Variants in ZSWIM9 observed in about 807,000 individuals in gnomAD.
ZSWIM9 encodes zinc finger SWIM-type containing 9.
Under a neutral mutation model 25.0 loss-of-function variants are expected in ZSWIM9, and 11 were observed. The observed-to-expected ratio is 0.44, with a 90% CI of 0.28 to 0.73. The LOEUF is 0.73. ZSWIM9 is among the 30% of genes least tolerant of loss of function. ZSWIM9 has a pLI of 0.16. For synonymous variants in ZSWIM9, 562 were observed against 582.1 expected, an observed-to-expected ratio of 0.97 and a Z score of 0.50; for missense variants, 1,070 against 1,296.5, an observed-to-expected ratio of 0.83 and a Z score of 2.68.
Position 48,197,204 on chromosome 19 carries a change from A to G in ZSWIM9, c.*377A>G, listed in dbSNP as rs1223301626. ...AGTGTCTGGCAAGAGTAGACTGGCC[A>G]GTCTAGGGAGTGCAGCGGGGAGAGG... On this transcript the variant is annotated 3_prime_UTR_variant, in exon 4 of 4. Coordinates refer to ENST00000614654, the MANE Select transcript of ZSWIM9 (RefSeq NM_199341.4). The G allele has an allele frequency of 5.7e-6, 4 of 701,440 alleles. No homozygotes were observed. The highest frequency in any genetic ancestry group is 7.8e-6 in the Non-Finnish European group (3 of 384,320). 43.5% of individuals were successfully genotyped at this position (701,440 alleles called of 1,614,324 possible).
chr19:48,179,704 A>G (rs1163209997), intron 2 of ZSWIM9, among the ~76,000 whole-genome samples: 5 of 152,230 alleles, frequency 3.3e-5, no homozygotes, highest in African/African-American at 1.2e-4. Flanking sequence ...AACATTCGGC[A>G]GCAGTAAAAG....
Position 48,196,270 on chromosome 19 carries a change from G to GC in ZSWIM9, c.2209dup (p.Arg737ProfsTer51). The GC allele has an allele frequency of 8.1e-7, 1 of 1,233,502 alleles. No homozygotes were observed. Among genetic ancestry groups the GC allele is most frequent in the Non-Finnish European group, 1.0e-6 (1 of 989,016 alleles). 76.4% of individuals were successfully genotyped at this position (1,233,502 alleles called of 1,614,324 possible). A position where few individuals can be genotyped will look rare whatever the true frequency, so the allele number is the denominator to read the frequency against. ...CATGGAGAATGGAGATGGAGGGGGA[G>GC]CCCGGTCCGTGGGCCCCAAGAGCCG... On this transcript the variant is annotated frameshift_variant, in exon 4 of 4. Transcript: ENST00000614654. LOFTEE classifies it low-confidence loss of function (END_TRUNC).
intron 2 of ZSWIM9, among the ~76,000 whole-genome samples, chr19:48,176,501 C>G (rs1332072831): frequency 1.3e-5 from 2 of 152,128 alleles, no homozygotes; most frequent in Admixed American, 6.6e-5. Context: ...GACCCTCATT[C>G]TGGTTACTAA....
chr19:48,192,490 TATATATATACACACAC>T (rs2037107891), intron 3 of ZSWIM9, among the ~76,000 whole-genome samples: 1 of 40,892 alleles, frequency 2.4e-5, no homozygotes, highest in Middle Eastern at 8.2e-3. Context: ...AATATATATA[TATATATATACACACAC>T]ACACACACAC....
Position 48,196,756 on chromosome 19 carries a change from C to T in ZSWIM9, c.2692C>T (p.Leu898Phe). Reference sequence around the variant, plus strand: ...CTGCAGACACCTCTTTGCAGCGCGCCTCCTCACTGGGGCTGCCTTATTCCA... The same window carrying T: ...CTGCAGACACCTCTTTGCAGCGCGCTTCCTCACTGGGGCTGCCTTATTCCA... Reference protein sequence around the residue: ...LPCRHLFAARLLTGAALFHMD... With the variant: ...LPCRHLFAARFLTGAALFHMD... The change falls in exon 4 of 4, where the codon CTC (leucine) becomes TTC (phenylalanine). Residue 898 changes from leucine (L) to phenylalanine (F), a missense_variant. By Grantham distance (22) the Leu-to-Phe change is conservative. This residue lies in a region of ZSWIM9 where 583 missense variants were observed against 624.7 expected (regional missense o/e 0.93). Transcript: ENST00000614654. 1 of 1,233,622 alleles carries T rather than the reference C, an allele frequency of 8.1e-7. No individual in the cohort carries two copies. The allele number at this position is 1,233,622 out of a possible 1,614,324, so 76.4% of individuals were successfully genotyped here.
chr19:48,170,982 G>T (rs932362031), intron 1 of ZSWIM9, among the ~76,000 whole-genome samples: 23 of 152,158 alleles, frequency 1.5e-4, no homozygotes, highest in African/African-American at 5.3e-4. Flanking sequence ...GGGAGGAGGG[G>T]CCCACAGCTG....
Position 48,197,028 on chromosome 19 carries a change from A to G in ZSWIM9, c.*201A>G, listed in dbSNP as rs897755199. 1.8e-6 allele frequency: 1 copy of G among 554,316 alleles called. No homozygotes were observed. Among genetic ancestry groups the G allele is most frequent in the Non-Finnish European group, 3.1e-6 (1 of 323,056 alleles). 34.3% of individuals were successfully genotyped at this position (554,316 alleles called of 1,614,324 possible). ...GTGGTCTCTGAGGTCCTGGAGCCAC[A>G]GCTTGGGAAGGTGTTGATGGGCAGG... On this transcript the variant is annotated 3_prime_UTR_variant, in exon 4 of 4. Coordinates refer to ENST00000614654, the MANE Select transcript of ZSWIM9 (RefSeq NM_199341.4).
chr19:48,187,551 TA>T (rs1293081671), intron 3 of ZSWIM9: 4 of 30,060 alleles, frequency 1.3e-4, no homozygotes, highest in Non-Finnish European at 2.9e-4. Context: ...TATTATATTA[TA>T]TATATTATAT....
intron 3 of ZSWIM9, chr19:48,187,534 A>G (rs1446416054): frequency 2.9e-5 from 1 of 34,894 alleles, no homozygotes; most frequent in African/African-American, 7.9e-5. Context: ...ATATTATATT[A>G]TTATTATATT....
In ZSWIM9 at chr19:48,195,857, C is replaced by T. The variant is rs2037157209; in HGVS notation, c.1793C>T (p.Ala598Val). 1 of 1,423,360 alleles carries T rather than the reference C, an allele frequency of 7.0e-7. No homozygotes were observed. The highest frequency in any genetic ancestry group is 9.1e-7 in the Non-Finnish European group (1 of 1,093,882). 88.2% of individuals were successfully genotyped at this position (1,423,360 alleles called of 1,614,324 possible). The stretch of plus-strand genomic sequence containing the variant: ...TTGGAAGGGTATACCTGGAGGGTGG[C>T]CCAGCTGGAAGATCGCAGGAGTACC... Reference protein sequence around the residue: ...RGLEGYTWRVAQLEDRRSTTD... With the variant: ...RGLEGYTWRVVQLEDRRSTTD... The change falls in exon 4 of 4, where the codon GCC becomes GTC. Residue 598 changes from alanine to valine, a missense_variant. This residue lies in a region of ZSWIM9 where 583 missense variants were observed against 624.7 expected (regional missense o/e 0.93). Transcript: ENST00000614654. The surrounding 1 kb of genome is among the most constrained non-coding windows in gnomAD (Gnocchi z 5.8).
intron 3 of ZSWIM9, among the ~76,000 whole-genome samples, chr19:48,188,471 C>A (rs1214418619): frequency 6.6e-6 from 1 of 151,934 alleles, no homozygotes; most frequent in African/African-American, 2.4e-5. Context: ...TGGTGATCTG[C>A]CTGCCTCGGC....
intron 1 of ZSWIM9, chr19:48,171,430 G>C: frequency 1.0e-6 from 1 of 977,162 alleles, no homozygotes; most frequent in African/African-American, 1.7e-5. Context: ...GGAGGTTTTA[G>C]CTGGAATTTG....
chr19:48,195,038 T>C lies in ZSWIM9; in HGVS notation c.974T>C (p.Leu325Pro). 1 of 1,380,390 alleles carries C rather than the reference T, an allele frequency of 7.2e-7. No individual in the cohort carries two copies. Among genetic ancestry groups the C allele is most frequent in the Non-Finnish European group, 9.3e-7 (1 of 1,074,872 alleles). The allele number at this position is 1,380,390 out of a possible 1,614,324, so 85.5% of individuals were successfully genotyped here. Reference protein sequence around the residue: ...QICRAQGLETLFSKAQELGGA... With the variant: ...QICRAQGLETPFSKAQELGGA... ...TGCCGCGCGCAGGGCCTGGAGACGC[T>C]CTTCAGCAAGGCGCAGGAGCTGGGC... Residue 325 changes from leucine (L) to proline (P), a missense_variant, in exon 4 of 4, where the codon CTC becomes CCC. Around this residue, in one of 4 missense-constraint regions of ZSWIM9, gnomAD observed 184 missense variants for 243.1 expected, o/e 0.76. Coordinates refer to ENST00000614654, the MANE Select transcript of ZSWIM9 (RefSeq NM_199341.4). The surrounding 1 kb of genome is among the most constrained non-coding windows in gnomAD (Gnocchi z 5.8).
intron 3 of ZSWIM9, among the ~76,000 whole-genome samples, chr19:48,184,518 G>A (rs1368655405): frequency 1.3e-5 from 2 of 151,932 alleles, no homozygotes; most frequent in East Asian, 1.9e-4. Flanking sequence ...GGGTAAAGTC[G>A]AGATTCAGCT....
chr19:48,188,681 G>A (rs576672288), intron 3 of ZSWIM9, among the ~76,000 whole-genome samples: 3 of 152,286 alleles, frequency 2.0e-5, no homozygotes, highest in South Asian at 2.1e-4. Context: ...GTTCTCTTAC[G>A]TGTATGCTTT....
chr19:48,174,241 C>T (rs1290187392), intron 2 of ZSWIM9, among the ~76,000 whole-genome samples: 1 of 152,018 alleles, frequency 6.6e-6, no homozygotes, highest in Non-Finnish European at 1.5e-5. Flanking sequence ...TGCTCCACGA[C>T]TTCCTGGATG....
At position 48,195,153 on chromosome 19, in the gene ZSWIM9, C is replaced by T; in HGVS notation, c.1089C>T (p.Ala363=). The T allele has an allele frequency of 4.0e-6, 6 of 1,513,774 alleles. No homozygotes were observed. The highest frequency in any genetic ancestry group is 1.4e-5 in the African/African-American group (1 of 70,506). The allele number at this position is 1,513,774 out of a possible 1,614,324, so 93.8% of individuals were successfully genotyped here. ...CCGCAGCCTACGACGAGGCGCTGGCCGAGCTCCACGCCCACGGCCCAGCCG... is the reference window on the plus strand; with the variant it reads ...CCGCAGCCTACGACGAGGCGCTGGCTGAGCTCCACGCCCACGGCCCAGCCG... ...SSPAAYDEAL[A]ELHAHGPAAF... Residue 363 remains alanine, a synonymous_variant, in exon 4 of 4, where the codon GCC becomes GCT. Coordinates refer to ENST00000614654, the MANE Select transcript of ZSWIM9 (RefSeq NM_199341.4). This position sits in a 1 kb window ranked among gnomAD's most constrained non-coding sequence, Gnocchi z 5.8.
At chr19:48,192,390 C>T (rs1276346845) in intron 3 of ZSWIM9, among the ~76,000 whole-genome samples, 1 of 134,674 alleles carries the variant, frequency 7.4e-6, no homozygotes, top group African/African-American at 2.9e-5. Flanking sequence ...GCAGAGGTTG[C>T]AGTGAGCCAA....
At chr19:48,192,498 T>TATATATATATATAC (rs369454865) in intron 3 of ZSWIM9, among the ~76,000 whole-genome samples, 2 of 20,762 alleles carry the variant, frequency 9.6e-5, no homozygotes, top group African/African-American at 1.4e-4. Flanking sequence ...TATATATATA[T>TATATATATATATAC]ACACACACAC....
Sources: allele counts gnomAD v4.1 joint callset (sites outside exome capture counted in the v4.1 genomes callset), GRCh38; gene constraint gnomAD v4.1.1; regional missense constraint gnomAD v4.1.1; non-coding constraint Gnocchi (gnomAD v3.1); transcripts MANE v1.5; gene names NCBI Gene and HGNC (gene_info 2026-07-23, HGNC 2026-07-21).